Variants in GRID2 observed in about 807,000 individuals in gnomAD.
The protein encoded by GRID2 is glutamate ionotropic receptor delta type subunit 2, also known as glutamate receptor ionotropic, delta-2.
In GRID2, 33 loss-of-function variants were observed where a neutral mutation model predicts 114.8. The ratio of observed to expected loss-of-function variants is 0.29; its 90% CI spans 0.22 to 0.38. GRID2 has a LOEUF of 0.38. Ranked by LOEUF, GRID2 falls within the 10% of genes least tolerant of loss-of-function variation. The probability of loss-of-function intolerance (pLI) is 1.00; values close to 1 mark genes in which losing one functional copy is unlikely to be tolerated. For missense variants in GRID2, 1,184 were observed against 1,257.7 expected (o/e 0.94, Z 0.89); for synonymous variants, 505 against 449.9 (o/e 1.12, Z -1.55).
At chr4:92,729,840 A>G in intron 2 of GRID2, among the ~76,000 whole-genome samples, 1 of 151,914 alleles carries the variant, frequency 6.6e-6, no homozygotes, top group Admixed American at 6.6e-5. Flanking sequence ...AATCCTCTTT[A>G]TAGTAGAATT....
chr4:92,872,488 A>G (rs1015553839), intron 2 of GRID2, among the ~76,000 whole-genome samples: 3 of 152,138 alleles, frequency 2.0e-5, no homozygotes, highest in Non-Finnish European at 4.4e-5. Flanking sequence ...ATTTTTCTAG[A>G]ATTGTAGAAT....
At chr4:92,450,651 A>G (rs1161053909) in intron 1 of GRID2, among the ~76,000 whole-genome samples, 2 of 151,278 alleles carry the variant, frequency 1.3e-5, no homozygotes, top group Non-Finnish European at 1.5e-5. Flanking sequence ...ATTTTTTTTC[A>G]CTTGATTTTT....
chr4:93,761,822 T>A (rs926600437), intron 14 of GRID2, among the ~76,000 whole-genome samples: 3 of 152,204 alleles, frequency 2.0e-5, no homozygotes, highest in Non-Finnish European at 4.4e-5. Flanking sequence ...TGTTACCAAC[T>A]GATCACTAAG....
intron 3 of GRID2, among the ~76,000 whole-genome samples, chr4:93,104,971 T>C (rs1243390806): frequency 1.3e-5 from 2 of 151,892 alleles, no homozygotes; most frequent in South Asian, 2.1e-4. Flanking sequence ...CAGCACCTGT[T>C]GTTTCCTGAC....
intron 7 of GRID2, among the ~76,000 whole-genome samples, chr4:93,238,017 T>A (rs1254061198): frequency 1.3e-5 from 2 of 151,782 alleles, no homozygotes; most frequent in Non-Finnish European, 2.9e-5. Flanking sequence ...TCCAGAAGCA[T>A]CTTGTTTTCA....
At chr4:93,266,382 A>G (rs981687556) in intron 8 of GRID2, among the ~76,000 whole-genome samples, 3 of 152,146 alleles carry the variant, frequency 2.0e-5, no homozygotes, top group African/African-American at 7.2e-5. Context: ...GACCTACTCT[A>G]TAAGCCACCT....
chr4:93,246,817 C>T (rs1305218673), intron 8 of GRID2, among the ~76,000 whole-genome samples: 1 of 152,148 alleles, frequency 6.6e-6, no homozygotes, highest in Non-Finnish European at 1.5e-5. Flanking sequence ...TTGAGTTAGA[C>T]TCTCAAAATC....
At chr4:93,345,048 T>C (rs1444574957) in intron 8 of GRID2, among the ~76,000 whole-genome samples, 1 of 151,286 alleles carries the variant, frequency 6.6e-6, no homozygotes, top group Non-Finnish European at 1.5e-5. Context: ...CATTCAATCA[T>C]CTGTCAATGA....
At chr4:93,544,677 T>C (rs953557638) in intron 13 of GRID2, among the ~76,000 whole-genome samples, 4 of 150,456 alleles carry the variant, frequency 2.7e-5, no homozygotes, top group African/African-American at 9.8e-5. Flanking sequence ...CTCGGGAGGC[T>C]GAGGCAAGAT....
rs548777139 is a variant in GRID2, at chr4:92,916,085, T to A, written c.245-168910T>A. Among the ~76,000 whole-genome samples, 4 of 152,292 alleles carry A rather than the reference T, an allele frequency of 2.6e-5. No individual in the cohort carries two copies. In the East Asian group the frequency reaches 5.8e-4, roughly 22 times the overall value. On this transcript the variant is annotated intron_variant, in intron 2 of 15. Transcript: ENST00000282020. The stretch of plus-strand genomic sequence containing the variant: ...CTCTTTAGTGTAATTAGATCCCATT[T>A]GTCAATTTTAGCTTTTGTTGCAACT...
intron 8 of GRID2, among the ~76,000 whole-genome samples, chr4:93,265,072 C>T (rs530525131): frequency 7.2e-5 from 11 of 152,032 alleles, no homozygotes; most frequent in African/African-American, 1.7e-4. Flanking sequence ...TGAGCCACCG[C>T]GCCTGGCCTA....
At chr4:93,557,072 A>T (rs377349015) in intron 13 of GRID2, among the ~76,000 whole-genome samples, 3 of 152,342 alleles carry the variant, frequency 2.0e-5, no homozygotes, top group South Asian at 4.1e-4. Context: ...GGCCTGCCTT[A>T]CAAGAGCTCC....
intron 2 of GRID2, among the ~76,000 whole-genome samples, chr4:92,782,131 G>A (rs1739107989): frequency 6.6e-6 from 1 of 151,950 alleles, no homozygotes; most frequent in Admixed American, 6.6e-5. Context: ...ATACGAAAAT[G>A]CATCATATTT....
chr4:93,395,093 A>G (rs1468801742), intron 8 of GRID2, among the ~76,000 whole-genome samples: 3 of 152,008 alleles, frequency 2.0e-5, no homozygotes, highest in African/African-American at 7.2e-5. Flanking sequence ...ATATTGTTTT[A>G]TGTGCTATGA....
At chr4:93,650,595 G>A (rs1161336682) in intron 14 of GRID2, among the ~76,000 whole-genome samples, 1 of 152,222 alleles carries the variant, frequency 6.6e-6, no homozygotes, top group East Asian at 1.9e-4. Flanking sequence ...AAGCAACCCA[G>A]TGCTTGTATA....
chr4:93,061,682 C>T (rs1448984486), intron 2 of GRID2, among the ~76,000 whole-genome samples: 1 of 152,110 alleles, frequency 6.6e-6, no homozygotes, highest in African/African-American at 2.4e-5. Flanking sequence ...GAAAACTAAG[C>T]AGAGATACAG....
In GRID2 at chr4:92,590,117, T is replaced by A. The variant is rs1442073152; in HGVS notation, c.89-14T>A. 1 of 1,587,902 alleles carries A rather than the reference T, an allele frequency of 6.3e-7. No homozygotes were observed. Among genetic ancestry groups the A allele is most frequent in the South Asian group, 1.1e-5 (1 of 90,210 alleles). On this transcript the variant is annotated splice_polypyrimidine_tract_variant and intron_variant, in intron 1 of 15. Transcript: ENST00000282020. Reference sequence around the variant, plus strand: ...TTATGTTATTATTTAATGGCAAAATTCACTTCTTTCTAGGAGCAATTTTTG... The same window carrying A: ...TTATGTTATTATTTAATGGCAAAATACACTTCTTTCTAGGAGCAATTTTTG...
intron 4 of GRID2, among the ~76,000 whole-genome samples, chr4:93,184,360 G>A (rs77087294): frequency 0.016 from 2,430 of 152,194 alleles, 68 homozygotes; most frequent in African/African-American, 0.056. Flanking sequence ...TACTGCCTGT[G>A]TCCGTGTACA....
chr4:93,040,128 A>G (rs1005305444), intron 2 of GRID2, among the ~76,000 whole-genome samples: 2 of 152,144 alleles, frequency 1.3e-5, no homozygotes, highest in African/African-American at 4.8e-5. Flanking sequence ...AAATTCAGGA[A>G]GATGTGTATA....
Sources: allele counts gnomAD v4.1 joint callset (sites outside exome capture counted in the v4.1 genomes callset), GRCh38; gene constraint gnomAD v4.1.1; transcripts MANE v1.5; gene names NCBI Gene and HGNC (gene_info 2026-07-23, HGNC 2026-07-21).